DRC8: variants seen among roughly 807,000 people sequenced by gnomAD.
The protein encoded by DRC8 is dynein regulatory complex subunit 8, also known as dynein regulatory complex protein 8.
chr1:245,048,948 G>A, the DRC8 span, among the ~76,000 whole-genome samples: 1 of 150,994 alleles, frequency 6.6e-6, no homozygotes. Flanking sequence ...GACTATAGGT[G>A]TGCACCGCTG....
At chr1:245,108,401 A>C in the DRC8 span, among the ~76,000 whole-genome samples, 1 of 152,208 alleles carries the variant, frequency 6.6e-6, no homozygotes, top group Non-Finnish European at 1.5e-5. Context: ...TCTTCCTTGG[A>C]TGAAAAGACA....
At chr1:244,998,553 C>G in the DRC8 span, among the ~76,000 whole-genome samples, 2 of 152,134 alleles carry the variant, frequency 1.3e-5, no homozygotes, top group African/African-American at 4.8e-5. Context: ...ACCAAGATGT[C>G]TAGGCTGACC....
chr1:245,032,725 G>A, the DRC8 span, among the ~76,000 whole-genome samples: 1 of 152,174 alleles, frequency 6.6e-6, no homozygotes, highest in African/African-American at 2.4e-5. Context: ...GGTGTTATTA[G>A]GAAATGAATC....
At chr1:245,082,735 G>A in the DRC8 span, among the ~76,000 whole-genome samples, 7 of 151,338 alleles carry the variant, frequency 4.6e-5, no homozygotes, top group African/African-American at 7.3e-5. Context: ...ATGGACTTTC[G>A]CTTTTGTCAC....
chr1:245,103,006 A>G, the DRC8 span, among the ~76,000 whole-genome samples: 2,716 of 21,192 alleles, frequency 0.13, no homozygotes, highest in Non-Finnish European at 0.34. Context: ...GTGGTCCTCT[A>G]TGGTCAGGAG....
the DRC8 span, among the ~76,000 whole-genome samples, chr1:245,037,501 C>A: frequency 3.9e-5 from 6 of 151,982 alleles, no homozygotes; most frequent in African/African-American, 1.5e-4. Flanking sequence ...GTGTTTCAGC[C>A]CAAAATCTAG....
the DRC8 span, among the ~76,000 whole-genome samples, chr1:244,987,086 C>A: frequency 6.6e-6 from 1 of 152,078 alleles, no homozygotes; most frequent in South Asian, 2.1e-4. Flanking sequence ...TATAGCTGGT[C>A]TGTTTTCCTT....
At chr1:245,033,872 C>A in the DRC8 span, among the ~76,000 whole-genome samples, 1 of 152,072 alleles carries the variant, frequency 6.6e-6, no homozygotes, top group Non-Finnish European at 1.5e-5. Flanking sequence ...CAGGCGTGCA[C>A]CACCATGCCC....
the DRC8 span, among the ~76,000 whole-genome samples, chr1:245,028,006 C>A: frequency 6.6e-6 from 1 of 152,092 alleles, no homozygotes; most frequent in Non-Finnish European, 1.5e-5. Flanking sequence ...ATCCTCCTGC[C>A]TCAGCCTCCT....
the DRC8 span, among the ~76,000 whole-genome samples, chr1:245,119,631 C>T: frequency 6.7e-6 from 1 of 150,364 alleles, no homozygotes; most frequent in Middle Eastern, 3.3e-3. Flanking sequence ...AGAGCAAGAC[C>T]CTGTCTAAAA....
chr1:245,021,325 A>T, the DRC8 span, among the ~76,000 whole-genome samples: 6 of 152,244 alleles, frequency 3.9e-5, no homozygotes, highest in East Asian at 1.2e-3. Context: ...AAGTTTGAGA[A>T]CCACTATTGT....
the DRC8 span, among the ~76,000 whole-genome samples, chr1:245,008,383 A>G: frequency 1.3e-5 from 2 of 152,236 alleles, no homozygotes; most frequent in South Asian, 2.1e-4. Flanking sequence ...TAAAATGATG[A>G]CCCTTTTTTA....
chr1:245,052,466 C>T, the DRC8 span, among the ~76,000 whole-genome samples: 6 of 152,150 alleles, frequency 3.9e-5, no homozygotes, highest in South Asian at 2.1e-4. Context: ...GCCAAGCTAG[C>T]GGAGGAACCA....
At chr1:245,117,568 C>T in the DRC8 span, among the ~76,000 whole-genome samples, 52 of 151,812 alleles carry the variant, frequency 3.4e-4, no homozygotes, top group Non-Finnish European at 6.3e-4. Context: ...GGATTACAGG[C>T]GTGCACCACC....
At chr1:245,109,929 T>C in the DRC8 span, among the ~76,000 whole-genome samples, 2 of 152,330 alleles carry the variant, frequency 1.3e-5, no homozygotes, top group Admixed American at 6.5e-5. Flanking sequence ...CTATGGTACT[T>C]TTTTTATGTG....
At chr1:245,065,090 T>TG in the DRC8 span, among the ~76,000 whole-genome samples, 1 of 143,554 alleles carries the variant, frequency 7.0e-6, no homozygotes. Flanking sequence ...TTTTTTTTTT[T>TG]TTTTTTTGTA....
the DRC8 span, among the ~76,000 whole-genome samples, chr1:244,972,860 C>A: frequency 6.6e-6 from 1 of 151,632 alleles, no homozygotes; most frequent in Non-Finnish European, 1.5e-5. Context: ...TCGAGAAGCA[C>A]TCATGTGCTG....
the DRC8 span, among the ~76,000 whole-genome samples, chr1:245,094,400 T>C: frequency 6.6e-6 from 1 of 152,128 alleles, no homozygotes; most frequent in Admixed American, 6.5e-5. Flanking sequence ...CATCTGCAAA[T>C]CCTTCACTCA....
At chr1:244,984,121 AT>A in the DRC8 span, among the ~76,000 whole-genome samples, 4 of 149,050 alleles carry the variant, frequency 2.7e-5, no homozygotes, top group African/African-American at 4.9e-5. Flanking sequence ...TACCTGGCTA[AT>A]TTTTTTGGGG....
Sources: allele counts gnomAD v4.1 joint callset (sites outside exome capture counted in the v4.1 genomes callset), GRCh38; gene constraint gnomAD v4.1.1; transcripts MANE v1.5; gene names NCBI Gene and HGNC (gene_info 2026-07-23, HGNC 2026-07-21).